SIPA1L3: variants seen among roughly 807,000 people sequenced by gnomAD.
The protein encoded by SIPA1L3 is signal induced proliferation associated 1 like 3.
In SIPA1L3, 59 loss-of-function variants were observed where a neutral mutation model predicts 150.1. The ratio of observed to expected loss-of-function variants is 0.39; its 90% confidence interval spans 0.32 to 0.49. The LOEUF (loss-of-function observed/expected upper bound fraction) is 0.49, where lower values mean the gene tolerates loss of function less well. SIPA1L3 is among the 20% of genes least tolerant of loss of function. SIPA1L3 has a pLI of 0.86. For missense variants in SIPA1L3, 2,211 were observed against 2,489.5 expected (o/e 0.89, Z 2.38); for synonymous variants, 1,070 against 1,077.6 (o/e 0.99, Z 0.14).
At chr19:38,193,074 G>A (rs1972839222) in intron 17 of SIPA1L3, among the ~76,000 whole-genome samples, 1 of 152,084 alleles carries the variant, frequency 6.6e-6, no homozygotes, top group Non-Finnish European at 1.5e-5. Context: ...AGGGGTGGTG[G>A]CTCACACCTG....
chr19:38,059,311 A>T (rs79817713), intron 2 of SIPA1L3, among the ~76,000 whole-genome samples: 6 of 113,924 alleles, frequency 5.3e-5, no homozygotes, highest in African/African-American at 1.0e-4. Flanking sequence ...AACAGCTGAG[A>T]TTTTTTTTTT....
At chr19:38,112,801 C>G (rs915620567) in intron 8 of SIPA1L3, among the ~76,000 whole-genome samples, 3 of 152,166 alleles carry the variant, frequency 2.0e-5, no homozygotes, top group Admixed American at 6.6e-5. Context: ...CTGGACAGAC[C>G]TGACCCTGCC....
rs950061859 is a variant in SIPA1L3 at position 38,164,998 on chromosome 19, AAC to A, written c.4208+97_4208+98del. Reference sequence around the variant, plus strand: ...TGATGGTGGGGTTCTCCTCCCCAGAAACACACTCACGGATGAATGCGCCTAGT... The same window carrying A: ...TGATGGTGGGGTTCTCCTCCCCAGAAACACTCACGGATGAATGCGCCTAGT... On this transcript the variant is annotated intron_variant, in intron 15 of 21. Transcript: ENST00000222345. The surrounding 1 kb of genome is among the most constrained non-coding windows in gnomAD (Gnocchi z 4.1). 76 of 1,247,194 alleles carry A rather than the reference AAC, an allele frequency of 6.1e-5. No homozygotes were observed. The African/African-American group carries it at 1.1e-3, about 17-fold the overall frequency. 77.3% of individuals were successfully genotyped at this position (1,247,194 alleles called of 1,614,324 possible). A position where few individuals can be genotyped will look rare whatever the true frequency, so the allele number is the denominator to read the frequency against.
rs1482814692 is a variant in SIPA1L3 at position 38,206,449 on chromosome 19, C to T, written c.*209C>T. 3 of 569,058 alleles carry T rather than the reference C, an allele frequency of 5.3e-6. No homozygotes were observed. The highest frequency in any genetic ancestry group is 3.9e-5 in the African/African-American group (2 of 51,790). 35.3% of individuals were successfully genotyped at this position (569,058 alleles called of 1,614,324 possible). On this transcript the variant is annotated 3_prime_UTR_variant, in exon 22 of 22. Coordinates refer to ENST00000222345, the MANE Select transcript of SIPA1L3 (RefSeq NM_015073.3). Reference sequence around the variant, plus strand: ...CATGCCCCAGAGGGCGAAGTGGTCTCAGGCCTCCCTCCAAGCTGCCCAGCT... The same window carrying T: ...CATGCCCCAGAGGGCGAAGTGGTCTTAGGCCTCCCTCCAAGCTGCCCAGCT...
At position 38,082,726 on chromosome 19, in the gene SIPA1L3, G is replaced by A. The variant is rs61729135; in HGVS notation, c.1161G>A (p.Ser387=). ...AASAMASLTA[S]RAHSLGGLDP... is the part of the protein sequence containing the mutation. ...CGGCCATGGCCTCCCTCACGGCCTC[G>A]CGGGCCCACAGCCTCGGAGGCCTGG... Residue 387 remains serine, a synonymous_variant, in exon 3 of 22, where the codon TCG becomes TCA. Coordinates refer to ENST00000222345, the MANE Select transcript of SIPA1L3 (RefSeq NM_015073.3). The A allele has an allele frequency of 4.5e-3, 7,198 of 1,611,970 alleles. 228 individuals are homozygous for A. In the African/African-American group the frequency reaches 0.079, roughly 18 times the overall value.
At chr19:38,079,484 C>A (rs1969927999) in intron 2 of SIPA1L3, among the ~76,000 whole-genome samples, 1 of 151,824 alleles carries the variant, frequency 6.6e-6, no homozygotes, top group South Asian at 2.1e-4. Flanking sequence ...TTAAGAAAGG[C>A]TTCCAGAAGA....
At chr19:37,993,182 T>C (rs1214753929) in intron 1 of SIPA1L3, among the ~76,000 whole-genome samples, 1 of 152,170 alleles carries the variant, frequency 6.6e-6, no homozygotes, top group Non-Finnish European at 1.5e-5. Flanking sequence ...CTTAGCCCCC[T>C]GCCCCTCAGT....
intron 16 of SIPA1L3, among the ~76,000 whole-genome samples, chr19:38,183,813 C>G (rs1457255226): frequency 6.6e-6 from 1 of 151,944 alleles, no homozygotes; most frequent in Non-Finnish European, 1.5e-5. Context: ...CGGAGAGGTG[C>G]GGAGGCGGGG....
intron 1 of SIPA1L3, among the ~76,000 whole-genome samples, chr19:37,976,923 C>T (rs1967091934): frequency 6.6e-6 from 1 of 152,194 alleles, no homozygotes; most frequent in Non-Finnish European, 1.5e-5. Context: ...CAGCCTCAAC[C>T]TCTTGGGTTC....
intron 2 of SIPA1L3, among the ~76,000 whole-genome samples, chr19:38,038,405 C>A (rs1440334322): frequency 6.6e-6 from 1 of 152,084 alleles, no homozygotes; most frequent in Non-Finnish European, 1.5e-5. Context: ...GCCTGGCCAG[C>A]ATGGTGAAAC....
intron 16 of SIPA1L3, among the ~76,000 whole-genome samples, chr19:38,187,199 C>T (rs1484157703): frequency 2.0e-5 from 3 of 151,876 alleles, no homozygotes; most frequent in African/African-American, 7.3e-5. Context: ...CGCCTATAAT[C>T]CCAGCACTTT....
Position 38,172,847 on chromosome 19 carries a change from C to T in SIPA1L3, c.4208+7941C>T, listed in dbSNP as rs144699325. 1.5e-4 allele frequency among the ~76,000 whole-genome samples: 23 copies of T among 152,228 alleles called. No individual in the cohort carries two copies. The East Asian group carries it at 4.5e-3, about 30-fold the overall frequency. ...ACTGTGGGCTGGACGTAGTGGCTCACACCTGTAATCCCAGCACTTTGGGAG... is the reference window on the plus strand; with the variant it reads ...ACTGTGGGCTGGACGTAGTGGCTCATACCTGTAATCCCAGCACTTTGGGAG... On this transcript the variant is annotated intron_variant, in intron 15 of 21. Coordinates refer to ENST00000222345, the MANE Select transcript of SIPA1L3 (RefSeq NM_015073.3).
intron 1 of SIPA1L3, chr19:37,963,795 G>T (rs1161120370): frequency 6.6e-6 from 1 of 152,154 alleles, no homozygotes; most frequent in East Asian, 1.9e-4. Context: ...CAGAAGTCTG[G>T]TTAGCAGCTT....
chr19:37,986,558 C>T (rs1967355780), intron 1 of SIPA1L3, among the ~76,000 whole-genome samples: 1 of 152,168 alleles, frequency 6.6e-6, no homozygotes, highest in Non-Finnish European at 1.5e-5. Context: ...GGATGTTTGT[C>T]GCCAGCGTTG....
At chr19:37,996,031 C>G (rs1967632484) in intron 1 of SIPA1L3, among the ~76,000 whole-genome samples, 1 of 152,118 alleles carries the variant, frequency 6.6e-6, no homozygotes, top group Admixed American at 6.5e-5. Context: ...CTTCCCACCT[C>G]AGCCTCCAAA....
At chr19:38,072,067 C>T (rs1056587080) in intron 2 of SIPA1L3, among the ~76,000 whole-genome samples, 2 of 152,226 alleles carry the variant, frequency 1.3e-5, no homozygotes, top group Non-Finnish European at 1.5e-5. Context: ...GAGGTCCAGG[C>T]GCTGCCTGTG....
intron 1 of SIPA1L3, among the ~76,000 whole-genome samples, chr19:38,026,723 C>A (rs1968519131): frequency 6.6e-6 from 1 of 152,090 alleles, no homozygotes; most frequent in Admixed American, 6.6e-5. Flanking sequence ...GTCCATGGAC[C>A]TTTGAAGGAT....
chr19:38,047,674 C>G lies in SIPA1L3; in HGVS notation c.-311+18518C>G, dbSNP rs1969092027. On this transcript the variant is annotated intron_variant, in intron 2 of 21. Transcript: ENST00000222345. The surrounding 1 kb of genome is among the most constrained non-coding windows in gnomAD (Gnocchi z 4.7). The stretch of plus-strand genomic sequence containing the variant: ...CGCACGCTCCTTTGCCCGCCCCTGC[C>G]ACACTGGTATCTTTCCCTTGATGCT... Among the ~76,000 whole-genome samples, 1 of 152,226 alleles carries G rather than the reference C, an allele frequency of 6.6e-6. No homozygotes were observed. The highest frequency in any genetic ancestry group is 6.5e-5 in the Admixed American group (1 of 15,290).
At chr19:38,093,086 C>T (rs1264866498) in intron 4 of SIPA1L3, among the ~76,000 whole-genome samples, 2 of 152,054 alleles carry the variant, frequency 1.3e-5, no homozygotes, top group South Asian at 2.1e-4. Context: ...GTCTCAATCT[C>T]CTGACCTGGT....
Sources: gnomAD v4.1 joint callset for allele counts (sites outside exome capture counted in the v4.1 genomes callset) on GRCh38, gnomAD v4.1.1 for gene constraint, Gnocchi (gnomAD v3.1) non-coding constraint, MANE v1.5 for transcripts, NCBI Gene and HGNC (gene_info 2026-07-23, HGNC 2026-07-21) for gene names.